TMEM179B: variants seen among roughly 807,000 people sequenced by gnomAD.
The protein encoded by TMEM179B is transmembrane protein 179B.
In TMEM179B, 13 loss-of-function variants were observed where a neutral mutation model predicts 18.0. The ratio of observed to expected loss-of-function variants is 0.72; its 90% CI spans 0.47 to 1.15. The LOEUF is 1.15. Ranked by LOEUF, TMEM179B falls within the 50% of genes most tolerant of loss-of-function variation. The pLI, the probability that TMEM179B is intolerant of heterozygous loss-of-function variation, is 0.00. For missense variants in TMEM179B, 320 were observed against 270.6 expected (o/e 1.18, Z -1.28); for synonymous variants, 159 against 117.5 (o/e 1.35, Z -2.29).
intron 4 of TMEM179B, 88 bp downstream of exon 4, chr11:62,789,767 G>C (rs774127515): frequency 6.6e-7 from 1 of 1,515,812 alleles, no homozygotes; most frequent in East Asian, 2.3e-5. Context: ...TGGCCTACCA[G>C]TGAGAGGAGC....
In TMEM179B at chr11:62,789,371, C is replaced by T. The variant is rs749802114; in HGVS notation, c.364C>T (p.Arg122Ter). Residue 122 changes from arginine to a stop codon, truncating the protein, a stop_gained, in exon 3 of 5, where the codon CGA becomes TGA. Transcript: ENST00000333449. LOFTEE classifies it high-confidence loss of function. ...FLVLVSACIL[R>*]FGTRSLCNSI... Reference sequence around the variant, plus strand: ...GGTCTTGGTGTCTGCCTGTATCCTTCGATTTGGCACCAGGTCTCTCTGCAA... The same window carrying T: ...GGTCTTGGTGTCTGCCTGTATCCTTTGATTTGGCACCAGGTCTCTCTGCAA... 1.1e-5 allele frequency: 18 copies of T among 1,613,934 alleles called. No homozygotes were observed. Among genetic ancestry groups the T allele is most frequent in the Non-Finnish European group, 1.5e-5 (18 of 1,179,998 alleles).
In TMEM179B at chr11:62,789,010, C is replaced by T. The variant is rs1406015030; in HGVS notation, c.97-13C>T. The T allele has an allele frequency of 1.9e-6, 3 of 1,603,396 alleles. No individual in the cohort carries two copies. The highest frequency in any genetic ancestry group is 3.4e-5 in the Admixed American group (2 of 59,186). On this transcript the variant is annotated splice_polypyrimidine_tract_variant and intron_variant, in intron 1 of 4. Transcript: ENST00000333449. ...TAACCTGAAATCTAGGACTCAGCAG[C>T]TTCTCTCCACAGGGCTCCTTCAGTG...
At position 62,789,093 on chromosome 11, in the gene TMEM179B, G is replaced by A. The variant is rs1301060096; in HGVS notation, c.167G>A (p.Arg56His). The A allele has an allele frequency of 1.2e-5, 20 of 1,614,058 alleles. No individual in the cohort carries two copies. Among genetic ancestry groups the A allele is most frequent in the East Asian group, 4.5e-5 (2 of 44,898 alleles). Residue 56 changes from arginine to histidine, a missense_variant, in exon 2 of 5, where the codon CGT becomes CAT. Transcript: ENST00000333449. Reference sequence around the variant, plus strand: ...AATGGCTCCTCCCTGGCCTTATCCCGTCCCTCAGCACCATCCCTGTGCTAC... The same window carrying A: ...AATGGCTCCTCCCTGGCCTTATCCCATCCCTCAGCACCATCCCTGTGCTAC... The part of the protein sequence containing the change: ...TLNGSSLALS[R>H]PSAPSLCYFV...
intron 1 of TMEM179B, chr11:62,787,805 C>T: frequency 1.5e-6 from 1 of 674,650 alleles, no homozygotes; most frequent in South Asian, 1.5e-5. Context: ...TCCTGCTGCA[C>T]AGCCTTACTG....
intron 4 of TMEM179B, 55 bp from the exon 5 acceptor site, chr11:62,789,831 A>G (rs1486903940): frequency 6.3e-7 from 1 of 1,581,326 alleles, no homozygotes; most frequent in African/African-American, 1.3e-5. Flanking sequence ...GTGGGTGGGA[A>G]GGACTGGATT....
chr11:62,789,481 G>A (rs1197844829), intron 3 of TMEM179B, 55 bp downstream of exon 3: 16 of 1,610,804 alleles, frequency 9.9e-6, no homozygotes, highest in South Asian at 8.8e-5. Context: ...CCTCTGCAGC[G>A]GGGTCCTATA....
chr11:62,788,882 G>T, intron 1 of TMEM179B, 141 bp from the exon 2 acceptor site: 1 of 939,516 alleles, frequency 1.1e-6, no homozygotes, highest in Admixed American at 2.7e-5. Flanking sequence ...CAATATCCCT[G>T]TCCCAGAAAT....
At chr11:62,787,617 C>T in intron 1 of TMEM179B, 90 bp downstream of exon 1, 2 of 1,407,944 alleles carry the variant, frequency 1.4e-6, no homozygotes, top group Non-Finnish European at 1.9e-6. Flanking sequence ...GGGCTTGCTG[C>T]TGCTCGGAGC....
At position 62,789,046 on chromosome 11, in the gene TMEM179B, C is replaced by G; in HGVS notation, c.120C>G (p.Pro40=). Reference sequence around the variant, plus strand: ...AGGGCTCCTTCAGTGGTAGATGTCCCCTGTATGGTGTGGCCACCCTGAATG... The same window carrying G: ...AGGGCTCCTTCAGTGGTAGATGTCCGCTGTATGGTGTGGCCACCCTGAATG... ...RTQGSFSGRC[P]LYGVATLNGS... The change falls in exon 2 of 5, where the codon CCC becomes CCG. Residue 40 remains proline, a synonymous_variant. Transcript: ENST00000333449. The G allele has an allele frequency of 6.2e-7, 1 of 1,614,052 alleles. No homozygotes were observed. The highest frequency in any genetic ancestry group is 1.1e-5 in the South Asian group (1 of 91,062).
In TMEM179B at chr11:62,789,867, C is replaced by G. The variant is rs760561540; in HGVS notation, c.499-19C>G. 1 of 1,609,098 alleles carries G rather than the reference C, an allele frequency of 6.2e-7. No homozygotes were observed. Among genetic ancestry groups the G allele is most frequent in the Non-Finnish European group, 8.5e-7 (1 of 1,177,238 alleles). Reference sequence around the variant, plus strand: ...TGAAATGGTCCCACTCCTGACGATCCTGTCCCTGTCTCCTACAGACCTCTT... The same window carrying G: ...TGAAATGGTCCCACTCCTGACGATCGTGTCCCTGTCTCCTACAGACCTCTT... On this transcript the variant is annotated intron_variant, in intron 4 of 4. Coordinates refer to ENST00000333449, the MANE Select transcript of TMEM179B (RefSeq NM_199337.3).
chr11:62,789,702 A>G (rs1042190018), intron 4 of TMEM179B, 23 bp downstream of exon 4: 1 of 1,529,324 alleles, frequency 6.5e-7, no homozygotes, highest in Admixed American at 2.2e-5. Context: ...GATAGGAGGA[A>G]AAACTGACAT....
In TMEM179B at chr11:62,787,705, C is replaced by T. The variant is rs530587156; in HGVS notation, c.96+178C>T. On this transcript the variant is annotated intron_variant, in intron 1 of 4. Transcript: ENST00000333449. ...AGGCTAATCGCGCTTTGTGGCTCCT[C>T]CTGGCCAGGTCATACTTCGAAGTTG... 9.4e-5 allele frequency: 76 copies of T among 805,728 alleles called. No homozygotes were observed. The Middle Eastern group carries it at 2.9e-3, about 30-fold the overall frequency. The allele number at this position is 805,728 out of a possible 1,614,324, so 49.9% of individuals were successfully genotyped here. A position where few individuals can be genotyped will look rare whatever the true frequency, so the allele number is the denominator to read the frequency against.
At chr11:62,788,929 A>G (rs1158764996) in intron 1 of TMEM179B, 94 bp from the exon 2 acceptor site, 1 of 1,336,002 alleles carries the variant, frequency 7.5e-7, no homozygotes, top group African/African-American at 1.5e-5. Context: ...CCTGGAATGC[A>G]GGACCATTCC....
In TMEM179B at chr11:62,790,213, T is replaced by G; in HGVS notation, c.*166T>G. ...CTCCACCTCTTCCTGCAGCTGTTTT[T>G]GTACCAAAATATTATATTACTGTCT... On this transcript the variant is annotated 3_prime_UTR_variant, in exon 5 of 5. Coordinates refer to ENST00000333449, the MANE Select transcript of TMEM179B (RefSeq NM_199337.3). 1.3e-6 allele frequency: 1 copy of G among 741,422 alleles called. No individual in the cohort carries two copies. Among genetic ancestry groups the G allele is most frequent in the Non-Finnish European group, 2.1e-6 (1 of 476,538 alleles). The allele number at this position is 741,422 out of a possible 1,614,324, so 45.9% of individuals were successfully genotyped here.
chr11:62,788,078 C>T (rs147317853), intron 1 of TMEM179B, among the ~76,000 whole-genome samples: 254 of 152,322 alleles, frequency 1.7e-3, no homozygotes, highest in African/African-American at 5.8e-3. Context: ...ATAAAGTAGG[C>T]ACTAGTGTGC....
At chr11:62,787,666 C>G (rs2084303535) in intron 1 of TMEM179B, 139 bp downstream of exon 1, 5 of 1,143,068 alleles carry the variant, frequency 4.4e-6, no homozygotes, top group Non-Finnish European at 1.2e-6. Context: ...CCGGCCTGTA[C>G]CTGAAATGCA....
chr11:62,788,969 C>CTGTA (rs2084324892), intron 1 of TMEM179B, 54 bp from the exon 2 acceptor site: 1 of 1,542,662 alleles, frequency 6.5e-7, no homozygotes, highest in Admixed American at 1.9e-5. Context: ...TACCAAGAGA[C>CTGTA]TGTATCTAGA....
At position 62,789,629 on chromosome 11, in the gene TMEM179B, A is replaced by C; in HGVS notation, c.448A>C (p.Thr150Pro). The change falls in exon 4 of 5, where the codon ACA (threonine) becomes CCA (proline). Residue 150 changes from threonine to proline, a missense_variant. Coordinates refer to ENST00000333449, the MANE Select transcript of TMEM179B (RefSeq NM_199337.3). ...SCSEAQKIPW[T>P]PPGTALQFYS... The stretch of plus-strand genomic sequence containing the variant: ...TTCTGAAGCCCAGAAAATTCCATGG[A>C]CACCCCCTGGAACTGCTCTGCAGTT... 3 of 1,549,226 alleles carry C rather than the reference A, an allele frequency of 1.9e-6. No individual in the cohort carries two copies. In the South Asian group the frequency reaches 3.8e-5, roughly 20 times the overall value.
intron 1 of TMEM179B, among the ~76,000 whole-genome samples, chr11:62,788,463 G>C (rs997839813): frequency 5.9e-5 from 9 of 152,160 alleles, no homozygotes; most frequent in African/African-American, 1.9e-4. Flanking sequence ...CCAGCACTTT[G>C]GGAGGCCGTG....
Sources: allele counts gnomAD v4.1 joint callset (sites outside exome capture counted in the v4.1 genomes callset), GRCh38; gene constraint gnomAD v4.1.1; transcripts MANE v1.5; gene names NCBI Gene and HGNC (gene_info 2026-07-23, HGNC 2026-07-21).